Variants in IBTK observed in about 807,000 individuals in gnomAD.
The protein encoded by IBTK is inhibitor of Bruton tyrosine kinase.
Under a neutral mutation model 154.9 loss-of-function variants are expected in IBTK, and 83 were observed. The ratio of observed to expected loss-of-function variants is 0.54; its 90% CI spans 0.45 to 0.64. The LOEUF (loss-of-function observed/expected upper bound fraction) is 0.64, where lower values mean the gene tolerates loss of function less well. Among genes scored for constraint, IBTK ranks in the 30% least tolerant of loss-of-function variants. The pLI is 0.00. For synonymous variants in IBTK, 515 were observed against 536.1 expected, an observed-to-expected ratio of 0.96 and a Z score of 0.54; for missense variants, 1,332 against 1,584.6, an observed-to-expected ratio of 0.84 and a Z score of 2.71.
At chr6:82,230,728 A>G (rs1355869530) in intron 4 of IBTK, among the ~76,000 whole-genome samples, 1 of 152,188 alleles carries the variant, frequency 6.6e-6, no homozygotes, top group Non-Finnish European at 1.5e-5. Flanking sequence ...CAACTGAAAT[A>G]AAGTTCAAGA....
At chr6:82,174,756 A>G in intron 26 of IBTK, 1 of 315,316 alleles carries the variant, frequency 3.2e-6, no homozygotes, top group Non-Finnish European at 6.2e-6. Flanking sequence ...GCATATATTA[A>G]CTATTATAGA....
intron 23 of IBTK, among the ~76,000 whole-genome samples, chr6:82,194,235 G>C (rs978609669): frequency 6.6e-6 from 1 of 151,870 alleles, no homozygotes; most frequent in East Asian, 1.9e-4. Flanking sequence ...CTCTATATAC[G>C]TAAAACATAG....
rs1391362910 is a variant in IBTK, at chr6:82,194,534, G to T, written c.3283C>A (p.Pro1095Thr). Residue 1095 changes from proline to threonine, a missense_variant, in exon 23 of 29, where the codon CCC becomes ACC. Physicochemically the swap from Pro to Thr is conservative, Grantham distance 38. This residue lies in a region of IBTK where 1,134 missense variants were observed against 1,274.7 expected (regional missense o/e 0.89). Coordinates refer to ENST00000306270, the MANE Select transcript of IBTK (RefSeq NM_015525.4). ...ILKISAPQPI[P>T]SNRIDTTSSA... ...CTGGTAGTATCAATTCTGTTACTGGGAATAGGCTGTGGAGCAGATATTTTA... is the reference window on the plus strand; with the variant it reads ...CTGGTAGTATCAATTCTGTTACTGGTAATAGGCTGTGGAGCAGATATTTTA... 2.5e-6 allele frequency: 4 copies of T among 1,608,134 alleles called. No individual in the cohort carries two copies. The Admixed American group carries it at 6.7e-5, about 27-fold the overall frequency.
At chr6:82,178,472 C>G (rs548462474) in intron 26 of IBTK, among the ~76,000 whole-genome samples, 26 of 152,210 alleles carry the variant, frequency 1.7e-4, no homozygotes, top group Non-Finnish European at 2.8e-4. Flanking sequence ...ATATAACTCA[C>G]TACATTAGAA....
At chr6:82,193,340 T>G (rs1768852121) in intron 23 of IBTK, among the ~76,000 whole-genome samples, 1 of 152,120 alleles carries the variant, frequency 6.6e-6, no homozygotes, top group South Asian at 2.1e-4. Context: ...TTTTAAAACA[T>G]GTTTAACAAA....
chr6:82,227,600 C>T (rs564986180), intron 4 of IBTK, among the ~76,000 whole-genome samples: 1 of 151,972 alleles, frequency 6.6e-6, no homozygotes, highest in Non-Finnish European at 1.5e-5. Flanking sequence ...ACCTTCAATT[C>T]CAAAAATTAG....
intron 22 of IBTK, 112 bp downstream of exon 22, chr6:82,196,186 T>C (rs550200021): frequency 6.9e-6 from 6 of 871,086 alleles, no homozygotes; most frequent in East Asian, 2.6e-5. Context: ...GATTCTTATA[T>C]ACCAACCTGG....
intron 2 of IBTK, among the ~76,000 whole-genome samples, chr6:82,238,062 G>A (rs1184861856): frequency 6.6e-6 from 1 of 151,932 alleles, no homozygotes; most frequent in Non-Finnish European, 1.5e-5. Context: ...TGGCCAACAT[G>A]GGGAAACCCC....
intron 25 of IBTK, among the ~76,000 whole-genome samples, chr6:82,188,226 T>C (rs941463482): frequency 6.6e-6 from 1 of 152,116 alleles, no homozygotes; most frequent in Non-Finnish European, 1.5e-5. Context: ...AATCAATAAA[T>C]TGACAAAATG....
chr6:82,225,659 AATTAACTTTAGTATACTAC>A lies in IBTK; in HGVS notation c.655-31_655-13del, dbSNP rs146603947. 1.5e-3 allele frequency: 2,427 copies of A among 1,599,050 alleles called. 34 individuals carry two copies. The African/African-American group carries it at 0.029, about 19-fold the overall frequency. ...ACAAGCCGAGGGACCTACAAAATAA[AATTAACTTTAGTATACTAC>A]ATTAACCATTTATACAGATATGCAA... On this transcript the variant is annotated splice_polypyrimidine_tract_variant and intron_variant, in intron 5 of 28. Transcript: ENST00000306270.
intron 25 of IBTK, among the ~76,000 whole-genome samples, chr6:82,186,472 T>A (rs561960229): frequency 6.6e-6 from 1 of 152,336 alleles, no homozygotes; most frequent in South Asian, 2.1e-4. Flanking sequence ...GGTTTTTTTT[T>A]GTAGATATTA....
At chr6:82,206,841 G>A (rs1050724614) in intron 16 of IBTK, among the ~76,000 whole-genome samples, 23 of 151,886 alleles carry the variant, frequency 1.5e-4, no homozygotes, top group African/African-American at 5.6e-4. Context: ...TAAACACACG[G>A]CCATCTTAAG....
At chr6:82,201,064 CTT>C (rs1769192394) in intron 19 of IBTK, among the ~76,000 whole-genome samples, 2 of 151,986 alleles carry the variant, frequency 1.3e-5, no homozygotes, top group Admixed American at 1.3e-4. Context: ...AAAAAGGAAA[CTT>C]GAGAAAAAGC....
chr6:82,238,761 CAG>C (rs1214378431), intron 2 of IBTK, among the ~76,000 whole-genome samples: 10 of 151,656 alleles, frequency 6.6e-5, no homozygotes, highest in African/African-American at 2.4e-4. Context: ...TTTTTTGAGA[CAG>C]AGTCTCACTC....
At chr6:82,189,086 A>C in intron 25 of IBTK, 1 of 418,550 alleles carries the variant, frequency 2.4e-6, no homozygotes, top group South Asian at 1.7e-5. Context: ...CCAATATCTG[A>C]CTAATGTGAT....
intron 26 of IBTK, among the ~76,000 whole-genome samples, chr6:82,177,711 G>A (rs939570255): frequency 6.6e-6 from 1 of 151,992 alleles, no homozygotes; most frequent in Non-Finnish European, 1.5e-5. Context: ...ACCACGCCCG[G>A]CCTAATTTTT....
In IBTK at chr6:82,220,196, C is replaced by T. The variant is rs1056694037; in HGVS notation, c.1248+394G>A. ...CTGTACTCTAGCCTGGCCAATAGAG[C>T]GAGACTGTCTCAAAAAAAATAAATA... is the stretch of plus-strand genomic sequence containing the variant. On this transcript the variant is annotated intron_variant, in intron 9 of 28. Transcript: ENST00000306270. Among the ~76,000 whole-genome samples, 10 of 151,904 alleles carry T rather than the reference C, an allele frequency of 6.6e-5. 1 individual carries two copies. The highest frequency in any genetic ancestry group is 1.9e-4 in the East Asian group (1 of 5,180).
At chr6:82,230,449 GAGA>G (rs1770464159) in intron 4 of IBTK, among the ~76,000 whole-genome samples, 1 of 152,042 alleles carries the variant, frequency 6.6e-6, no homozygotes, top group South Asian at 2.1e-4. Flanking sequence ...AATAATTCTG[GAGA>G]AGAATATTAT....
intron 4 of IBTK, among the ~76,000 whole-genome samples, chr6:82,228,715 G>A (rs1480749446): frequency 2.0e-5 from 3 of 151,292 alleles, no homozygotes; most frequent in African/African-American, 7.3e-5. Flanking sequence ...TCTGCCTCCC[G>A]GGTTCACGCT....
Sources: allele counts gnomAD v4.1 joint callset (sites outside exome capture counted in the v4.1 genomes callset), GRCh38; gene constraint gnomAD v4.1.1; regional missense constraint gnomAD v4.1.1; transcripts MANE v1.5; gene names NCBI Gene and HGNC (gene_info 2026-07-23, HGNC 2026-07-21).